The following NFIB variants were observed in gnomAD, a reference collection of about 807,000 sequenced individuals.
NFIB encodes nuclear factor 1 B-type.
Under a neutral mutation model 61.5 loss-of-function variants are expected in NFIB, and 11 were observed. The ratio of observed to expected loss-of-function variants is 0.18; its 90% CI spans 0.11 to 0.30. The LOEUF is 0.30. Ranked by LOEUF, NFIB falls within the 10% of genes least tolerant of loss-of-function variation. NFIB has a pLI of 1.00. For synonymous variants in NFIB, 260 were observed against 216.5 expected (o/e 1.20, Z -1.76); for missense variants, 471 against 608.9 (o/e 0.77, Z 2.38).
the NFIB span, among the ~76,000 whole-genome samples, chr9:14,497,015 T>G: frequency 6.6e-6 from 1 of 152,178 alleles, no homozygotes; most frequent in African/African-American, 2.4e-5. Flanking sequence ...TTTCACACAT[T>G]CAGATCTACT....
At chr9:14,283,485 G>A (rs2058511708) in intron 2 of NFIB, among the ~76,000 whole-genome samples, 1 of 152,150 alleles carries the variant, frequency 6.6e-6, no homozygotes, top group Non-Finnish European at 1.5e-5. Flanking sequence ...GTAACTAACT[G>A]GCAAGTCTAG....
At chr9:14,478,089 T>C in the NFIB span, among the ~76,000 whole-genome samples, 1 of 152,188 alleles carries the variant, frequency 6.6e-6, no homozygotes, top group Non-Finnish European at 1.5e-5. Context: ...CTGTTCTGCA[T>C]TGTTGACTTA....
the NFIB span, among the ~76,000 whole-genome samples, chr9:14,420,769 G>C: frequency 0.085 from 12,878 of 152,130 alleles, 589 homozygotes; most frequent in Middle Eastern, 0.12. Context: ...GGGGCAGGAT[G>C]AGACACAGTC....
At chr9:14,205,081 A>T (rs369644241) in intron 2 of NFIB, 158 of 179,190 alleles carry the variant, frequency 8.8e-4, no homozygotes, top group Non-Finnish European at 1.7e-3. Flanking sequence ...TAAAAATAAT[A>T]CAAATTTCCC....
intron 3 of NFIB, among the ~76,000 whole-genome samples, chr9:14,178,225 T>C (rs2046382880): frequency 1.3e-5 from 2 of 152,098 alleles, no homozygotes; most frequent in South Asian, 2.1e-4. Flanking sequence ...AAAATATCAG[T>C]TAATTAAAAA....
rs1554681460 is a variant in NFIB at position 14,231,135 on chromosome 9, AATATATATATAT to A, written c.563-51367_563-51356del. Among the ~76,000 whole-genome samples, 45 of 35,358 alleles carry A rather than the reference AATATATATATAT, an allele frequency of 1.3e-3. No individual in the cohort carries two copies. In the East Asian group the frequency reaches 0.021, roughly 17 times the overall value. 23.2% of individuals were successfully genotyped at this position (35,358 alleles called of 152,430 possible). A position where few individuals can be genotyped will look rare whatever the true frequency, so the allele number is the denominator to read the frequency against. On this transcript the variant is annotated intron_variant, in intron 2 of 10. Transcript: ENST00000380953. ...TTTCCATGGGGAAAAAAAAAAAAAA[AATATATATATAT>A]ATATATATATATATATATATTCGTT...
chr9:14,487,478 C>G, the NFIB span, among the ~76,000 whole-genome samples: 18 of 152,316 alleles, frequency 1.2e-4, no homozygotes, highest in African/African-American at 4.3e-4. Context: ...GCTTGTGGAG[C>G]ACAGGCAGTT....
At chr9:14,482,551 T>C in the NFIB span, among the ~76,000 whole-genome samples, 136 of 152,338 alleles carry the variant, frequency 8.9e-4, 1 homozygote, top group African/African-American at 3.3e-3. Flanking sequence ...TAAAGAATTC[T>C]TGGGACAAGT....
At chr9:14,389,844 T>C (rs745324364) in intron 1 of NFIB, among the ~76,000 whole-genome samples, 5 of 152,200 alleles carry the variant, frequency 3.3e-5, no homozygotes, top group Admixed American at 6.5e-5. Flanking sequence ...AAATAACTGA[T>C]GTAGCCAGAC....
Position 14,280,042 on chromosome 9 carries a change from G to C in NFIB, c.562+26947C>G, listed in dbSNP as rs559448684. 5.3e-5 allele frequency among the ~76,000 whole-genome samples: 8 copies of C among 152,206 alleles called. No individual in the cohort carries two copies. The South Asian group carries it at 1.5e-3, about 28-fold the overall frequency. ...TGGTACTTCAAAATGACACACTTTG[G>C]AAATGACAGGTAGAATCCAGGATTT... On this transcript the variant is annotated intron_variant, in intron 2 of 10. Coordinates refer to ENST00000380953, the MANE Select transcript of NFIB (RefSeq NM_001190737.2).
chr9:14,276,422 T>G (rs1234016386), intron 2 of NFIB, among the ~76,000 whole-genome samples: 1 of 152,150 alleles, frequency 6.6e-6, no homozygotes, highest in African/African-American at 2.4e-5. Flanking sequence ...ATTAACATAA[T>G]CTACATAGAA....
the NFIB span, among the ~76,000 whole-genome samples, chr9:14,530,021 G>A: frequency 2.6e-5 from 4 of 152,170 alleles, no homozygotes; most frequent in African/African-American, 7.2e-5. Flanking sequence ...AATAGTGATT[G>A]GCTTACTATA....
chr9:14,285,159 G>C (rs938299170), intron 2 of NFIB, among the ~76,000 whole-genome samples: 2 of 152,144 alleles, frequency 1.3e-5, no homozygotes, highest in African/African-American at 2.4e-5. Flanking sequence ...GTCTTGCACT[G>C]ACACCCAGGC....
At chr9:14,425,701 G>A in the NFIB span, among the ~76,000 whole-genome samples, 2 of 144,296 alleles carry the variant, frequency 1.4e-5, no homozygotes, top group Admixed American at 7.3e-5. Flanking sequence ...CTGCAGGATT[G>A]CCACAGCAAA....
intron 2 of NFIB, among the ~76,000 whole-genome samples, chr9:14,180,461 T>A (rs982017908): frequency 3.9e-5 from 6 of 152,090 alleles, no homozygotes; most frequent in Non-Finnish European, 7.4e-5. Context: ...GAGGAAGAGA[T>A]CAATGTCGTA....
intron 10 of NFIB, among the ~76,000 whole-genome samples, chr9:14,098,566 T>C (rs1193423327): frequency 6.6e-6 from 1 of 152,314 alleles, no homozygotes; most frequent in Admixed American, 6.5e-5. Flanking sequence ...TATGTCCACA[T>C]AACTCACATA....
At chr9:14,381,856 G>A (rs2133003555) in intron 1 of NFIB, among the ~76,000 whole-genome samples, 1 of 152,388 alleles carries the variant, frequency 6.6e-6, no homozygotes, top group South Asian at 2.1e-4. Flanking sequence ...AAAAATATCG[G>A]TTGAATGAAT....
chr9:14,252,349 C>G (rs2055725393), intron 2 of NFIB, among the ~76,000 whole-genome samples: 1 of 152,046 alleles, frequency 6.6e-6, no homozygotes, highest in Non-Finnish European at 1.5e-5. Context: ...ATTTTAAAAA[C>G]TCACTTTAAA....
chr9:14,424,881 G>A, the NFIB span, among the ~76,000 whole-genome samples: 1 of 152,174 alleles, frequency 6.6e-6, no homozygotes, highest in East Asian at 1.9e-4. Context: ...AAGAGGAAGT[G>A]GGAAGGAAAG....
Sources: allele counts gnomAD v4.1 joint callset (sites outside exome capture counted in the v4.1 genomes callset), GRCh38; gene constraint gnomAD v4.1.1; transcripts MANE v1.5; gene names NCBI Gene and HGNC (gene_info 2026-07-23, HGNC 2026-07-21).